CSMD1: variants seen among roughly 807,000 people sequenced by gnomAD.
CSMD1 encodes CUB and sushi domain-containing protein 1.
CSMD1 carries 213 observed loss-of-function variants against 417.5 expected under a neutral mutation model. The observed-to-expected ratio is 0.51, with a 90% CI of 0.46 to 0.57. The LOEUF is 0.57. CSMD1 is among the 20% of genes least tolerant of loss of function. CSMD1 has a pLI of 0.00. For missense variants in CSMD1, 6,923 were observed against 4,529.7 expected, an observed-to-expected ratio of 1.53 and a Z score of -15.17; for synonymous variants, 2,862 against 1,736.8, an observed-to-expected ratio of 1.65 and a Z score of -16.11.
At chr8:3,310,564 T>G (rs1805250821) in intron 23 of CSMD1, among the ~76,000 whole-genome samples, 1 of 152,218 alleles carries the variant, frequency 6.6e-6, no homozygotes, top group African/African-American at 2.4e-5. Context: ...TTATCCAATG[T>G]CATTGGAACA....
intron 49 of CSMD1, among the ~76,000 whole-genome samples, chr8:3,070,117 C>T (rs1182752769): frequency 6.6e-6 from 1 of 152,166 alleles, no homozygotes; most frequent in African/African-American, 2.4e-5. Flanking sequence ...CTGGGCCTGG[C>T]CCACAAAATC....
chr8:3,785,158 T>C (rs887813630), intron 5 of CSMD1, among the ~76,000 whole-genome samples: 33 of 152,208 alleles, frequency 2.2e-4, no homozygotes, highest in Non-Finnish European at 4.4e-5. Context: ...TCTCTTGGCC[T>C]TAGTGCCTGT....
chr8:4,430,461 G>T (rs1190148983), intron 2 of CSMD1, among the ~76,000 whole-genome samples: 1 of 152,012 alleles, frequency 6.6e-6, no homozygotes, highest in Non-Finnish European at 1.5e-5. Context: ...TTTGGTTATG[G>T]TGATTTAATA....
chr8:4,675,607 A>C (rs1241988220), intron 1 of CSMD1, among the ~76,000 whole-genome samples: 2 of 152,038 alleles, frequency 1.3e-5, no homozygotes, highest in Non-Finnish European at 2.9e-5. Flanking sequence ...CAGTGATTAC[A>C]ATGAGGACAG....
chr8:4,785,700 G>C (rs1797366752), intron 1 of CSMD1, among the ~76,000 whole-genome samples: 2 of 152,042 alleles, frequency 1.3e-5, no homozygotes, highest in Admixed American at 1.3e-4. Context: ...GAGAAAGGAA[G>C]GGAGGATCAC....
At chr8:3,810,638 C>A (rs931823243) in intron 5 of CSMD1, among the ~76,000 whole-genome samples, 2 of 152,094 alleles carry the variant, frequency 1.3e-5, no homozygotes, top group African/African-American at 4.8e-5. Flanking sequence ...GGACTGGAGT[C>A]TTTAGTTTAT....
chr8:4,205,613 C>G (rs1435574871), intron 3 of CSMD1, among the ~76,000 whole-genome samples: 1 of 152,178 alleles, frequency 6.6e-6, no homozygotes, highest in Non-Finnish European at 1.5e-5. Context: ...CTGACAATTT[C>G]CACCCAGGAG....
At position 4,649,208 on chromosome 8, in the gene CSMD1, C is replaced by G. The variant is rs142107829; in HGVS notation, c.86-11650G>C. Among the ~76,000 whole-genome samples, 681 of 152,262 alleles carry G rather than the reference C, an allele frequency of 4.5e-3. 2 individuals carry two copies. The highest frequency in any genetic ancestry group is 7.8e-3 in the Non-Finnish European group (529 of 68,018). On this transcript the variant is annotated intron_variant, in intron 1 of 69. Coordinates refer to ENST00000635120, the MANE Select transcript of CSMD1 (RefSeq NM_033225.6). ...ATTATAATCTACTGACTGCTATATT[C>G]CAAGTGCCAAGCACAGTGCCCAGTG...
intron 23 of CSMD1, among the ~76,000 whole-genome samples, chr8:3,335,356 G>A (rs1448027241): frequency 1.3e-5 from 2 of 152,090 alleles, no homozygotes; most frequent in Non-Finnish European, 2.9e-5. Context: ...GTGTCCCAAC[G>A]ACACAAATGG....
At chr8:3,270,283 C>T (rs542398947) in intron 26 of CSMD1, among the ~76,000 whole-genome samples, 3 of 152,016 alleles carry the variant, frequency 2.0e-5, no homozygotes, top group Admixed American at 2.0e-4. Context: ...GCCTTGAACT[C>T]CTGACCTTGT....
intron 39 of CSMD1, among the ~76,000 whole-genome samples, chr8:3,156,314 G>C (rs1281728488): frequency 6.6e-6 from 1 of 152,204 alleles, no homozygotes; most frequent in Non-Finnish European, 1.5e-5. Flanking sequence ...CAGCACCCCA[G>C]AAGTGTGACT....
chr8:3,354,875 A>ATATCTATAGATATATCTATCTATAGATC (rs1554523441), intron 21 of CSMD1, among the ~76,000 whole-genome samples: 1 of 71,522 alleles, frequency 1.4e-5, no homozygotes, highest in African/African-American at 7.1e-5. Context: ...AGATATACAT[A>ATATCTATAGATATATCTATCTATAGATC]TATCTATAGA....
At chr8:3,454,807 G>A (rs576792260) in intron 12 of CSMD1, among the ~76,000 whole-genome samples, 8 of 152,082 alleles carry the variant, frequency 5.3e-5, no homozygotes, top group East Asian at 3.9e-4. Flanking sequence ...TGCTCTTCTC[G>A]AGGAGTATCT....
chr8:4,463,318 C>A (rs994690174), intron 2 of CSMD1, among the ~76,000 whole-genome samples: 1 of 152,134 alleles, frequency 6.6e-6, no homozygotes, highest in Admixed American at 6.5e-5. Context: ...GGGTGTTTCA[C>A]TTCCCTATGG....
At chr8:4,050,163 A>G (rs1412666178) in intron 3 of CSMD1, among the ~76,000 whole-genome samples, 2 of 152,136 alleles carry the variant, frequency 1.3e-5, no homozygotes, top group Non-Finnish European at 2.9e-5. Flanking sequence ...GACACGCATC[A>G]TCAGTGGGAC....
intron 1 of CSMD1, among the ~76,000 whole-genome samples, chr8:4,771,932 C>T (rs976796459): frequency 2.6e-5 from 4 of 152,192 alleles, no homozygotes; most frequent in African/African-American, 9.6e-5. Context: ...TCTAGCCCAT[C>T]CCGGGGATCT....
chr8:4,645,567 G>A (rs1803467856), intron 1 of CSMD1, among the ~76,000 whole-genome samples: 3 of 151,628 alleles, frequency 2.0e-5, no homozygotes, highest in Non-Finnish European at 4.4e-5. Flanking sequence ...ATGGATATGA[G>A]CCCCAGTTTC....
chr8:4,399,239 TTGTG>T (rs1465160536), intron 3 of CSMD1, among the ~76,000 whole-genome samples: 15 of 152,216 alleles, frequency 9.9e-5, no homozygotes, highest in Admixed American at 8.5e-4. Context: ...GTATTTCCCC[TTGTG>T]TGTAATTCCT....
At chr8:4,192,662 C>A (rs1341473207) in intron 3 of CSMD1, among the ~76,000 whole-genome samples, 1 of 152,176 alleles carries the variant, frequency 6.6e-6, no homozygotes, top group Non-Finnish European at 1.5e-5. Context: ...TGAGAAAAAC[C>A]TTAAATCTGC....
Sources: allele counts gnomAD v4.1 joint callset (sites outside exome capture counted in the v4.1 genomes callset), GRCh38; gene constraint gnomAD v4.1.1; transcripts MANE v1.5; gene names NCBI Gene and HGNC (gene_info 2026-07-23, HGNC 2026-07-21).